TENM2: variants seen among roughly 807,000 people sequenced by gnomAD.
TENM2 encodes the protein teneurin-2.
TENM2 carries 52 observed loss-of-function variants against 245.2 expected under a neutral mutation model. The observed-to-expected ratio is 0.21, with a 90% CI of 0.17 to 0.27. The LOEUF (loss-of-function observed/expected upper bound fraction) is 0.27, where lower values mean the gene tolerates loss of function less well. Among genes scored for constraint, TENM2 ranks in the 10% least tolerant of loss-of-function variants. The pLI is 1.00. For missense variants in TENM2, 3,046 were observed against 3,666.8 expected, an observed-to-expected ratio of 0.83 and a Z score of 4.37; for synonymous variants, 1,363 against 1,438.9, an observed-to-expected ratio of 0.95 and a Z score of 1.19.
chr5:168,077,645 T>C (rs1339386239), intron 7 of TENM2, among the ~76,000 whole-genome samples: 1 of 152,202 alleles, frequency 6.6e-6, no homozygotes, highest in East Asian at 1.9e-4. Context: ...TTCTCATTGT[T>C]CAATTCCCAT....
chr5:167,120,913 G>A, the TENM2 span, among the ~76,000 whole-genome samples: 1 of 152,174 alleles, frequency 6.6e-6, no homozygotes, highest in African/African-American at 2.4e-5. Flanking sequence ...GCAGGGCAGA[G>A]CAGAAGTACT....
intron 2 of TENM2, among the ~76,000 whole-genome samples, chr5:167,527,687 C>T (rs1366393616): frequency 6.6e-6 from 1 of 152,096 alleles, no homozygotes; most frequent in Admixed American, 6.6e-5. Flanking sequence ...ATTATTTGCA[C>T]GTTATGACTT....
intron 2 of TENM2, among the ~76,000 whole-genome samples, chr5:167,832,992 AGAGTGGTT>A (rs1768642807): frequency 1.3e-5 from 2 of 152,146 alleles, no homozygotes; most frequent in South Asian, 4.1e-4. Flanking sequence ...AAAATCATTC[AGAGTGGTT>A]CTATCTAGAA....
At chr5:167,051,824 A>G in the TENM2 span, among the ~76,000 whole-genome samples, 1 of 152,238 alleles carries the variant, frequency 6.6e-6, no homozygotes, top group Admixed American at 6.5e-5. Context: ...GCTATATCAT[A>G]TAAGTAGCTG....
In TENM2 at chr5:168,226,071, T is replaced by TATC. The variant is rs1360607325; in HGVS notation, c.5109-16_5109-14dup. On this transcript the variant is annotated splice_polypyrimidine_tract_variant and intron_variant, in intron 23 of 28. Coordinates refer to ENST00000518659, the Ensembl canonical transcript of TENM2. Reference sequence around the variant, plus strand: ...TGCTGCTAACCAGGGTTTATCTATCTATCTATCTCCCCCCAGCTATGACCA... The same window carrying TATC: ...TGCTGCTAACCAGGGTTTATCTATCTATCATCTATCTCCCCCCAGCTATGACCA... The TATC allele has an allele frequency of 1.9e-5, 30 of 1,608,902 alleles. 1 individual carries two copies. Among genetic ancestry groups the TATC allele is most frequent in the African/African-American group, 5.4e-5 (4 of 74,702 alleles).
chr5:167,390,681 A>G (rs1422528116), intron 2 of TENM2, among the ~76,000 whole-genome samples: 1 of 151,172 alleles, frequency 6.6e-6, no homozygotes, highest in East Asian at 1.9e-4. Flanking sequence ...TAATTGATAT[A>G]GAAAAAAAAC....
At chr5:167,833,398 G>A (rs1043080393) in intron 2 of TENM2, among the ~76,000 whole-genome samples, 7 of 152,158 alleles carry the variant, frequency 4.6e-5, no homozygotes, top group African/African-American at 1.7e-4. Flanking sequence ...GTCCTTTGAT[G>A]GTGAAAATAT....
intron 2 of TENM2, among the ~76,000 whole-genome samples, chr5:167,645,430 GC>G (rs1199705511): frequency 1.3e-5 from 2 of 152,092 alleles, no homozygotes; most frequent in Non-Finnish European, 2.9e-5. Flanking sequence ...GGGACTCATA[GC>G]AAGCAAAAAT....
intron 1 of TENM2, among the ~76,000 whole-genome samples, chr5:167,362,827 T>C (rs1759794902): frequency 6.6e-6 from 1 of 152,212 alleles, no homozygotes; most frequent in Admixed American, 6.5e-5. Context: ...CCCCATTTCA[T>C]TGCTTATCAT....
intron 6 of TENM2, among the ~76,000 whole-genome samples, chr5:168,061,614 C>G (rs1039363497): frequency 6.6e-6 from 1 of 152,014 alleles, no homozygotes; most frequent in Non-Finnish European, 1.5e-5. Flanking sequence ...TTTATTTATT[C>G]TGGGCTGATT....
At chr5:167,980,848 A>G in intron 4 of TENM2, among the ~76,000 whole-genome samples, 1 of 152,116 alleles carries the variant, frequency 6.6e-6, no homozygotes, top group Non-Finnish European at 1.5e-5. Context: ...CTGATGATGG[A>G]TTGGGTGTGA....
chr5:167,118,925 C>G, the TENM2 span, among the ~76,000 whole-genome samples: 5 of 152,198 alleles, frequency 3.3e-5, no homozygotes, highest in African/African-American at 1.2e-4. Context: ...GCAGAAAAAG[C>G]TGACAAAGAC....
chr5:167,106,440 A>T, the TENM2 span, among the ~76,000 whole-genome samples: 2 of 152,210 alleles, frequency 1.3e-5, no homozygotes, highest in African/African-American at 4.8e-5. Flanking sequence ...TGTTGAGTGT[A>T]TTATTAATAA....
intron 3 of TENM2, among the ~76,000 whole-genome samples, chr5:167,943,365 A>G (rs969355688): frequency 9.9e-5 from 15 of 152,066 alleles, no homozygotes; most frequent in Admixed American, 3.9e-4. Context: ...TGATCTTTCT[A>G]TGTTTGGGGG....
intron 1 of TENM2, among the ~76,000 whole-genome samples, chr5:167,329,294 T>G (rs970999555): frequency 1.3e-5 from 2 of 151,042 alleles, no homozygotes; most frequent in African/African-American, 4.9e-5. Flanking sequence ...GCCTGTAATC[T>G]CAGCACTTTG....
At chr5:167,606,958 A>G (rs1436396617) in intron 2 of TENM2, among the ~76,000 whole-genome samples, 1 of 152,170 alleles carries the variant, frequency 6.6e-6, no homozygotes, top group Non-Finnish European at 1.5e-5. Context: ...TCAGCGCTTT[A>G]AAGACCAGGT....
At chr5:168,068,455 T>C (rs1367147524) in intron 7 of TENM2, among the ~76,000 whole-genome samples, 1 of 152,118 alleles carries the variant, frequency 6.6e-6, no homozygotes, top group Non-Finnish European at 1.5e-5. Flanking sequence ...ACGAAAGTGA[T>C]AGTTTTGTTA....
chr5:167,510,633 AAAGG>A (rs148782737), intron 2 of TENM2, among the ~76,000 whole-genome samples: 6,936 of 151,676 alleles, frequency 0.046, 391 homozygotes, highest in African/African-American at 0.13. Context: ...GAAAAGAAAG[AAAGG>A]AAGGAAGGAA....
At chr5:168,158,889 G>GTA (rs1188548355) in intron 12 of TENM2, among the ~76,000 whole-genome samples, 1 of 94,976 alleles carries the variant, frequency 1.1e-5, no homozygotes, top group Admixed American at 1.2e-4. Flanking sequence ...ATACACACAC[G>GTA]TATATATATA....
Sources: gnomAD v4.1 joint callset for allele counts (sites outside exome capture counted in the v4.1 genomes callset) on GRCh38, gnomAD v4.1.1 for gene constraint, MANE v1.5 for transcripts, NCBI Gene and HGNC (gene_info 2026-07-23, HGNC 2026-07-21) for gene names.